The following SHE variants were observed in gnomAD, a reference collection of about 807,000 sequenced individuals.
SHE encodes the protein Src homology 2 domain containing E, also known as SH2 domain-containing adapter protein E.
In SHE, 11 loss-of-function variants were observed where a neutral mutation model predicts 49.8. The observed-to-expected ratio is 0.22, with a 90% CI of 0.14 to 0.37. The LOEUF (loss-of-function observed/expected upper bound fraction) is 0.37, where lower values mean the gene tolerates loss of function less well. SHE is among the 10% of genes least tolerant of loss of function. The probability of loss-of-function intolerance (pLI) is 1.00; values close to 1 mark genes in which losing one functional copy is unlikely to be tolerated. For synonymous variants in SHE, 310 were observed against 278.1 expected (o/e 1.11, Z -1.14); for missense variants, 624 against 655.5 (o/e 0.95, Z 0.52).
intron 2 of SHE, among the ~76,000 whole-genome samples, chr1:154,489,674 C>A (rs1364396804): frequency 6.6e-6 from 1 of 152,246 alleles, no homozygotes; most frequent in Non-Finnish European, 1.5e-5. Context: ...AAGTAGTGGC[C>A]TCAGGGTAAC....
At chr1:154,488,056 T>C (rs1354087322) in intron 3 of SHE, among the ~76,000 whole-genome samples, 1 of 146,496 alleles carries the variant, frequency 6.8e-6, no homozygotes, top group African/African-American at 2.5e-5. Context: ...TCTCCTGTCT[T>C]AGCTTCTCGA....
At position 154,483,533 on chromosome 1, in the gene SHE, G is replaced by A; in HGVS notation, c.*616C>T. The A allele has an allele frequency of 4.1e-6, 4 of 985,390 alleles. No individual in the cohort carries two copies. Among genetic ancestry groups the A allele is most frequent in the Non-Finnish European group, 4.8e-6 (4 of 829,960 alleles). The allele number at this position is 985,390 out of a possible 1,614,324, so 61.0% of individuals were successfully genotyped here. On this transcript the variant is annotated 3_prime_UTR_variant, in exon 6 of 6. Coordinates refer to ENST00000304760, the MANE Select transcript of SHE (RefSeq NM_001010846.3). Reference sequence around the variant, plus strand: ...AGTAGGCACATTTCTAGAGAACTCTGATGCTCCTGAACTCCTGACTTAACC... The same window carrying A: ...AGTAGGCACATTTCTAGAGAACTCTAATGCTCCTGAACTCCTGACTTAACC...
At chr1:154,497,670 TG>T (rs1279119122) in intron 2 of SHE, among the ~76,000 whole-genome samples, 1 of 152,026 alleles carries the variant, frequency 6.6e-6, no homozygotes, top group African/African-American at 2.4e-5. Flanking sequence ...TACACAGCAA[TG>T]ATTTTTTTTT....
At chr1:154,495,028 G>A (rs1259984776) in intron 2 of SHE, among the ~76,000 whole-genome samples, 2 of 152,224 alleles carry the variant, frequency 1.3e-5, no homozygotes, top group East Asian at 3.8e-4. Flanking sequence ...CTCCAGCCTG[G>A]GCGACACAGC....
chr1:154,475,572 T>A (rs1237213638), downstream of SHE, among the ~76,000 whole-genome samples: 3 of 152,258 alleles, frequency 2.0e-5, no homozygotes, highest in Non-Finnish European at 2.9e-5. Context: ...TTAATTTTTT[T>A]AAATGAGCAT....
At position 154,483,005 on chromosome 1, in the gene SHE, C is replaced by A. The variant is rs531111783; in HGVS notation, c.*1144G>T. On this transcript the variant is annotated 3_prime_UTR_variant, in exon 6 of 6. Transcript: ENST00000304760. ...CCAATGATGATGAAACAAAAGACAT[C>A]GAAGTTCTATGTAATTAATTCAGTA... 4 of 984,142 alleles carry A rather than the reference C, an allele frequency of 4.1e-6. No individual in the cohort carries two copies. Among genetic ancestry groups the A allele is most frequent in the African/African-American group, 1.7e-5 (1 of 57,148 alleles). The allele number at this position is 984,142 out of a possible 1,614,324, so 61.0% of individuals were successfully genotyped here. A position where few individuals can be genotyped will look rare whatever the true frequency, so the allele number is the denominator to read the frequency against.
intron 2 of SHE, 133 bp downstream of exon 2, chr1:154,498,979 T>G: frequency 8.5e-7 from 1 of 1,174,272 alleles, no homozygotes; most frequent in Non-Finnish European, 1.2e-6. Context: ...GGGGTCTAAT[T>G]TCTGTTTCTT....
exon 2 of SHE, chr1:154,469,902 T>G (rs1255949027): frequency 6.2e-6 from 1 of 161,422 alleles, no homozygotes; most frequent in Non-Finnish European, 1.4e-5. Context: ...TAGGAAAAAC[T>G]TGGGACACAG....
chr1:154,487,002 G>A (rs1260527362), intron 3 of SHE, among the ~76,000 whole-genome samples: 3 of 152,122 alleles, frequency 2.0e-5, no homozygotes, highest in Non-Finnish European at 4.4e-5. Flanking sequence ...GGCCGGGCAC[G>A]GTGGCTCATG....
At chr1:154,472,219 A>G (rs1022978802) in intron 1 of SHE, among the ~76,000 whole-genome samples, 1 of 152,198 alleles carries the variant, frequency 6.6e-6, no homozygotes, top group Non-Finnish European at 1.5e-5. Flanking sequence ...TAAATGATGG[A>G]GAGAGGTACG....
chr1:154,486,230 G>T (rs185837980), intron 4 of SHE, among the ~76,000 whole-genome samples, 168 bp from the exon 5 acceptor site: 3 of 152,188 alleles, frequency 2.0e-5, no homozygotes, highest in Non-Finnish European at 4.4e-5. Context: ...AGATCTGGGT[G>T]ATCCCAGATC....
chr1:154,481,295 C>A lies in SHE; in HGVS notation c.*2854G>T, dbSNP rs1273473665. 1 of 985,288 alleles carries A rather than the reference C, an allele frequency of 1.0e-6. No homozygotes were observed. Among genetic ancestry groups the A allele is most frequent in the Non-Finnish European group, 1.2e-6 (1 of 829,948 alleles). The allele number at this position is 985,288 out of a possible 1,614,324, so 61.0% of individuals were successfully genotyped here. ...AAGAAGAAAATAGCTCACTAACGCC[C>A]CCACCTCTGACTTCCCACTAATTTA... On this transcript the variant is annotated 3_prime_UTR_variant, in exon 6 of 6. Coordinates refer to ENST00000304760, the MANE Select transcript of SHE (RefSeq NM_001010846.3).
chr1:154,490,230 A>T (rs1692321859), intron 2 of SHE, among the ~76,000 whole-genome samples: 1 of 152,274 alleles, frequency 6.6e-6, no homozygotes, highest in South Asian at 2.1e-4. Context: ...AAATCAAAGT[A>T]AAAGAAGTGT....
chr1:154,499,083 TCTCTATTCTGTAGAGC>T lies in SHE; in HGVS notation c.718+13_718+28del. ...ACACTCACTGAGTGTGAGATTTCAG[TCTCTATTCTGTAGAGC>T]CTGCTTACAAACCTGTTATCATTTG... On this transcript the variant is annotated intron_variant, in intron 2 of 5. Coordinates refer to ENST00000304760, the MANE Select transcript of SHE (RefSeq NM_001010846.3). 6.2e-7 allele frequency: 1 copy of T among 1,611,292 alleles called. No individual in the cohort carries two copies. Among genetic ancestry groups the T allele is most frequent in the Non-Finnish European group, 8.5e-7 (1 of 1,178,206 alleles).
intron 1 of SHE, among the ~76,000 whole-genome samples, 174 bp from the exon 2 acceptor site, chr1:154,499,412 T>G (rs1452542378): frequency 6.6e-6 from 1 of 152,172 alleles, no homozygotes; most frequent in African/African-American, 2.4e-5. Flanking sequence ...ACACCTGTTT[T>G]TTTTGGTTGT....
At chr1:154,477,330 T>TAAG (rs1691900764), downstream of SHE, among the ~76,000 whole-genome samples, 1 of 152,160 alleles carries the variant, frequency 6.6e-6, no homozygotes, top group African/African-American at 2.4e-5. Context: ...GTGTGTGTGG[T>TAAG]AAGAAATGCA....
At chr1:154,471,056 A>T (rs924568795) in intron 1 of SHE, among the ~76,000 whole-genome samples, 1 of 151,806 alleles carries the variant, frequency 6.6e-6, no homozygotes, top group Non-Finnish European at 1.5e-5. Context: ...AGAAAGGTTC[A>T]AATGCAGCAC....
downstream of SHE, among the ~76,000 whole-genome samples, chr1:154,478,585 G>A (rs910272424): frequency 3.3e-5 from 5 of 152,156 alleles, no homozygotes; most frequent in African/African-American, 1.2e-4. Context: ...AGTTGTGGCA[G>A]ATTAAATGAG....
chr1:154,477,320 G>T (rs1311306888), downstream of SHE, among the ~76,000 whole-genome samples: 1 of 152,128 alleles, frequency 6.6e-6, no homozygotes, highest in Non-Finnish European at 1.5e-5. Context: ...TGGCATTTTT[G>T]TGTGTGTGGT....
Sources: allele counts gnomAD v4.1 joint callset (sites outside exome capture counted in the v4.1 genomes callset), GRCh38; gene constraint gnomAD v4.1.1; transcripts MANE v1.5; gene names NCBI Gene and HGNC (gene_info 2026-07-23, HGNC 2026-07-21).